The following ZNF831 variants were observed in gnomAD, a reference collection of about 807,000 sequenced individuals.
ZNF831 encodes chromosome 20 open reading frame 174.
Under a neutral mutation model 95.8 loss-of-function variants are expected in ZNF831, and 59 were observed. The observed-to-expected ratio is 0.62, with a 90% CI of 0.50 to 0.77. The LOEUF (loss-of-function observed/expected upper bound fraction) is 0.77, where lower values mean the gene tolerates loss of function less well. Among genes scored for constraint, ZNF831 ranks in the 30% least tolerant of loss-of-function variants. The probability of loss-of-function intolerance (pLI) is 0.00; values close to 1 mark genes in which losing one functional copy is unlikely to be tolerated. For synonymous variants in ZNF831, 961 were observed against 925.5 expected (o/e 1.04, Z -0.70); for missense variants, 2,205 against 2,164.0 (o/e 1.02, Z -0.38).
intron 4 of ZNF831, among the ~76,000 whole-genome samples, chr20:59,238,086 C>T (rs557191275): frequency 2.0e-5 from 3 of 152,198 alleles, no homozygotes; most frequent in Non-Finnish European, 1.5e-5. Flanking sequence ...TCTGCCAACC[C>T]TTCCCTAAGG....
At chr20:59,252,044 G>A (rs1038993023) in intron 4 of ZNF831, among the ~76,000 whole-genome samples, 2 of 152,160 alleles carry the variant, frequency 1.3e-5, no homozygotes, top group African/African-American at 2.4e-5. Flanking sequence ...TGGAAGAAGA[G>A]GGAAACCCTC....
chr20:59,183,628 C>T (rs1016943565), intron 1 of ZNF831, among the ~76,000 whole-genome samples: 2 of 152,218 alleles, frequency 1.3e-5, no homozygotes, highest in Non-Finnish European at 2.9e-5. Context: ...GTAGGCAAAA[C>T]ATGACATCAT....
rs1988212430 is a variant in ZNF831, at chr20:59,256,864, C to G, written c.*2121C>G. The G allele has an allele frequency of 6.6e-6, 1 of 152,184 alleles. No individual in the cohort carries two copies. Among genetic ancestry groups the G allele is most frequent in the African/African-American group, 2.4e-5 (1 of 41,424 alleles). The allele number at this position is 152,184 out of a possible 1,614,324, so 9.4% of individuals were successfully genotyped here. A position where few individuals can be genotyped will look rare whatever the true frequency, so the allele number is the denominator to read the frequency against. On this transcript the variant is annotated 3_prime_UTR_variant, in exon 6 of 6. Transcript: ENST00000371030. ...TTCCAGATTTTAGGGTGCAATCATCCAGCCTATACATGTGGCTCATAGTTC... is the reference window on the plus strand; with the variant it reads ...TTCCAGATTTTAGGGTGCAATCATCGAGCCTATACATGTGGCTCATAGTTC...
At chr20:59,228,078 A>G (rs910173784) in intron 4 of ZNF831, among the ~76,000 whole-genome samples, 1 of 152,246 alleles carries the variant, frequency 6.6e-6, no homozygotes, top group Non-Finnish European at 1.5e-5. Context: ...TGCATGTTAT[A>G]TATCAAAGGG....
chr20:59,179,895 A>G (rs1982479897), intron 1 of ZNF831, among the ~76,000 whole-genome samples: 1 of 152,166 alleles, frequency 6.6e-6, no homozygotes, highest in African/African-American at 2.4e-5. Context: ...CTTCCCTTAC[A>G]TAAAGCTGCC....
intron 4 of ZNF831, among the ~76,000 whole-genome samples, chr20:59,242,969 C>T (rs898300735): frequency 6.6e-6 from 1 of 152,166 alleles, no homozygotes; most frequent in African/African-American, 2.4e-5. Context: ...ACCACAATAC[C>T]AATCATTGTG....
intron 1 of ZNF831, among the ~76,000 whole-genome samples, chr20:59,177,604 T>C (rs188576582): frequency 6.2e-4 from 95 of 152,322 alleles, no homozygotes; most frequent in African/African-American, 2.1e-3. Context: ...GAGCTTGTGT[T>C]ATGGAGCTGA....
intron 2 of ZNF831, among the ~76,000 whole-genome samples, chr20:59,150,870 G>A (rs1382019890): frequency 6.6e-6 from 1 of 152,206 alleles, no homozygotes; most frequent in East Asian, 1.9e-4. Context: ...CGCTGGCTGT[G>A]GGCGGGCGGG....
At chr20:59,211,815 G>T (rs542682010) in intron 4 of ZNF831, among the ~76,000 whole-genome samples, 1 of 151,696 alleles carries the variant, frequency 6.6e-6, no homozygotes, top group Non-Finnish European at 1.5e-5. Context: ...GTGTTTGCTC[G>T]TGAGTGTGCC....
chr20:59,139,760 G>A (rs755589356), intron 1 of ZNF831, among the ~76,000 whole-genome samples: 13 of 152,148 alleles, frequency 8.5e-5, no homozygotes, highest in Non-Finnish European at 1.9e-4. Flanking sequence ...TCAAAGCCCA[G>A]CACTCTTGAC....
chr20:59,134,497 A>G (rs1437885259), intron 1 of ZNF831, among the ~76,000 whole-genome samples: 3 of 152,226 alleles, frequency 2.0e-5, no homozygotes, highest in Non-Finnish European at 4.4e-5. Context: ...ACCTTTAAGC[A>G]GATGGAAACT....
At chr20:59,253,223 T>C in intron 5 of ZNF831, 85 bp downstream of exon 5, 1 of 1,469,106 alleles carries the variant, frequency 6.8e-7, no homozygotes, top group Non-Finnish European at 9.3e-7. Context: ...TTGTTCAGTG[T>C]GGCAGAACTT....
intron 1 of ZNF831, among the ~76,000 whole-genome samples, chr20:59,143,543 T>C (rs1208243685): frequency 1.3e-5 from 2 of 152,222 alleles, no homozygotes; most frequent in African/African-American, 4.8e-5. Context: ...GGCCTGGCCC[T>C]ACCTGGCTCT....
In ZNF831 at chr20:59,254,746, C is replaced by T. The variant is rs2146774626; in HGVS notation, c.*3C>T. ...ACCGATTAGTTATAGAAATATGAAG[C>T]TTCCAGAGAAACATGGTGTCTGGTC... On this transcript the variant is annotated 3_prime_UTR_variant, in exon 6 of 6. Transcript: ENST00000371030. This position sits in a 1 kb window ranked among gnomAD's most constrained non-coding sequence, Gnocchi z 4.5. The T allele has an allele frequency of 1.3e-6, 2 of 1,571,534 alleles. No homozygotes were observed. The highest frequency in any genetic ancestry group is 1.7e-6 in the Non-Finnish European group (2 of 1,164,086).
intron 1 of ZNF831, among the ~76,000 whole-genome samples, chr20:59,143,642 C>T (rs1423812648): frequency 6.6e-6 from 1 of 152,170 alleles, no homozygotes; most frequent in Non-Finnish European, 1.5e-5. Flanking sequence ...CCTTCGGGGT[C>T]CTTCTGGGGA....
At position 59,194,642 on chromosome 20, in the gene ZNF831, C is replaced by T. The variant is rs751474296; in HGVS notation, c.3623C>T (p.Ala1208Val). 37 of 1,613,322 alleles carry T rather than the reference C, an allele frequency of 2.3e-5. No homozygotes were observed. The highest frequency in any genetic ancestry group is 6.7e-5 in the East Asian group (3 of 44,876). ...GCAAAGGCGGCATCTGTGTACTTGG[C>T]GGTGCACTTTCCTGGTAGCAGCCTC... ...QKAKAASVYL[A>V]VHFPGSSLRD... Residue 1208 changes from alanine (A) to valine (V), a missense_variant, in exon 2 of 6, where the codon GCG becomes GTG. Transcript: ENST00000371030.
At chr20:59,186,693 A>G (rs1242119296) in intron 1 of ZNF831, among the ~76,000 whole-genome samples, 1 of 152,156 alleles carries the variant, frequency 6.6e-6, no homozygotes, top group Non-Finnish European at 1.5e-5. Flanking sequence ...TTCCATTCCT[A>G]TTAGCTCTTA....
chr20:59,236,052 C>T (rs1986982416), intron 4 of ZNF831, among the ~76,000 whole-genome samples: 1 of 152,138 alleles, frequency 6.6e-6, no homozygotes, highest in African/African-American at 2.4e-5. Context: ...AATTTTTCAC[C>T]CTGGACCTCT....
rs751338490 is a variant in ZNF831 at position 59,193,106 on chromosome 20, C to T, written c.2087C>T (p.Pro696Leu). 3.1e-6 allele frequency: 5 copies of T among 1,594,020 alleles called. No homozygotes were observed. The highest frequency in any genetic ancestry group is 4.3e-6 in the Non-Finnish European group (5 of 1,170,108). ...AGATPEPWGN[P>L]PALEASLVTE... ...GCAACGCCAGAGCCTTGGGGAAATC[C>T]ACCAGCCCTGGAGGCCTCCTTGGTG... Residue 696 changes from proline (P) to leucine (L), a missense_variant, in exon 2 of 6, where the codon CCA (proline) becomes CTA (leucine). Transcript: ENST00000371030.
Sources: gnomAD v4.1 joint callset for allele counts (sites outside exome capture counted in the v4.1 genomes callset) on GRCh38, gnomAD v4.1.1 for gene constraint, Gnocchi (gnomAD v3.1) non-coding constraint, MANE v1.5 for transcripts, NCBI Gene and HGNC (gene_info 2026-07-23, HGNC 2026-07-21) for gene names.